CSMD1: variants seen among roughly 807,000 people sequenced by gnomAD.
The protein encoded by CSMD1 is CUB and Sushi multiple domains 1, also known as CUB and sushi domain-containing protein 1.
A neutral mutation model predicts 417.5 loss-of-function variants in CSMD1; 213 were observed. That is an observed-to-expected ratio of 0.51 (90% CI 0.46 to 0.57). The LOEUF (loss-of-function observed/expected upper bound fraction) is 0.57. CSMD1 is among the 20% of genes least tolerant of loss of function. CSMD1 has a pLI of 0.00. For missense variants in CSMD1, 6,923 were observed against 4,529.7 expected, an observed-to-expected ratio of 1.53 and a Z score of -15.17; for synonymous variants, 2,862 against 1,736.8, an observed-to-expected ratio of 1.65 and a Z score of -16.11.
At chr8:4,905,774 T>G (rs61138287) in intron 1 of CSMD1, among the ~76,000 whole-genome samples, 112 of 143,438 alleles carry the variant, frequency 7.8e-4, no homozygotes, top group Admixed American at 1.2e-3. Context: ...GAGCCGAGAT[T>G]GTGCCACTGC....
At chr8:3,983,297 AT>A (rs752570549) in intron 5 of CSMD1, among the ~76,000 whole-genome samples, 5 of 151,546 alleles carry the variant, frequency 3.3e-5, no homozygotes, top group Non-Finnish European at 5.9e-5. Context: ...CGCCCGGCTA[AT>A]TTTTTGTATT....
intron 27 of CSMD1, among the ~76,000 whole-genome samples, chr8:3,226,441 G>C: frequency 6.6e-6 from 1 of 151,892 alleles, no homozygotes; most frequent in East Asian, 1.9e-4. Context: ...AAAATAGCCG[G>C]GCGTGGTGGC....
At chr8:3,030,322 C>T (rs1353353715) in intron 50 of CSMD1, among the ~76,000 whole-genome samples, 1 of 151,826 alleles carries the variant, frequency 6.6e-6, no homozygotes, top group Non-Finnish European at 1.5e-5. Flanking sequence ...AAACCAGAAC[C>T]ATTTCTCTAA....
In CSMD1 at chr8:3,530,486, C is replaced by T. The variant is rs138895236; in HGVS notation, c.1345-36760G>A. Among the ~76,000 whole-genome samples, 948 of 152,236 alleles carry T rather than the reference C, an allele frequency of 6.2e-3. 6 individuals are homozygous for T. The highest frequency in any genetic ancestry group is 9.5e-3 in the Non-Finnish European group (649 of 67,998). On this transcript the variant is annotated intron_variant, in intron 10 of 69. Coordinates refer to ENST00000635120, the MANE Select transcript of CSMD1 (RefSeq NM_033225.6). The stretch of plus-strand genomic sequence containing the variant: ...TCCTAGCTTTCCTTCTGCTATTAAA[C>T]TAATAAAAGCAAAATGTACAGTGAA...
At chr8:3,360,810 C>G (rs568944043) in intron 20 of CSMD1, among the ~76,000 whole-genome samples, 1 of 152,044 alleles carries the variant, frequency 6.6e-6, no homozygotes, top group South Asian at 2.1e-4. Context: ...CATATAAAAT[C>G]CAACTGATCC....
chr8:4,134,362 T>A (rs988909724), intron 3 of CSMD1, among the ~76,000 whole-genome samples: 4 of 152,156 alleles, frequency 2.6e-5, no homozygotes, highest in African/African-American at 9.7e-5. Context: ...CGATTTTTAT[T>A]CTTATATGAA....
chr8:4,993,144 T>A (rs531599474), intron 1 of CSMD1, among the ~76,000 whole-genome samples: 1 of 151,606 alleles, frequency 6.6e-6, no homozygotes, highest in African/African-American at 2.4e-5. Context: ...GAAAAGAAGA[T>A]GGAAGAATCT....
intron 1 of CSMD1, among the ~76,000 whole-genome samples, chr8:4,876,279 G>A (rs1362661620): frequency 6.6e-6 from 1 of 152,138 alleles, no homozygotes; most frequent in East Asian, 1.9e-4. Context: ...TTCATATGCT[G>A]CAATCATTGC....
intron 3 of CSMD1, among the ~76,000 whole-genome samples, chr8:4,393,820 T>A (rs1233932312): frequency 6.6e-6 from 1 of 152,194 alleles, no homozygotes; most frequent in African/African-American, 2.4e-5. Context: ...TTTTCCTATG[T>A]TTCTGTATCT....
At chr8:4,794,860 G>C (rs1797888245) in intron 1 of CSMD1, among the ~76,000 whole-genome samples, 1 of 152,168 alleles carries the variant, frequency 6.6e-6, no homozygotes, top group Non-Finnish European at 1.5e-5. Context: ...AAGAACTGGA[G>C]TCAGGTGATG....
chr8:4,365,656 C>T (rs900677442), intron 3 of CSMD1, among the ~76,000 whole-genome samples: 1 of 152,154 alleles, frequency 6.6e-6, no homozygotes, highest in Non-Finnish European at 1.5e-5. Context: ...ACAGTTGCTT[C>T]CTGTGGTTAA....
At chr8:3,856,583 T>C (rs138008926) in intron 5 of CSMD1, among the ~76,000 whole-genome samples, 252 of 152,294 alleles carry the variant, frequency 1.7e-3, no homozygotes, top group African/African-American at 5.8e-3. Flanking sequence ...TGGCAGACTG[T>C]ATTCTAATTT....
chr8:4,330,273 C>G (rs1047636949), intron 3 of CSMD1, among the ~76,000 whole-genome samples: 2 of 152,074 alleles, frequency 1.3e-5, no homozygotes, highest in Non-Finnish European at 2.9e-5. Flanking sequence ...TGGTTGTACT[C>G]TTCTACAAAG....
chr8:4,117,342 T>C (rs1013297964), intron 3 of CSMD1, among the ~76,000 whole-genome samples: 1 of 150,902 alleles, frequency 6.6e-6, no homozygotes, highest in Non-Finnish European at 1.5e-5. Context: ...GTACCAACAC[T>C]GTCATCGCCT....
intron 5 of CSMD1, among the ~76,000 whole-genome samples, chr8:3,767,761 T>TAACA (rs1798360311): frequency 1.3e-5 from 2 of 152,176 alleles, no homozygotes; most frequent in African/African-American, 4.8e-5. Flanking sequence ...AAAACATTAA[T>TAACA]GACACTCAGA....
At chr8:3,500,152 A>G (rs1255996221) in intron 10 of CSMD1, among the ~76,000 whole-genome samples, 2 of 152,124 alleles carry the variant, frequency 1.3e-5, no homozygotes. Flanking sequence ...TTATGCTGCC[A>G]TCTTGAGTTT....
chr8:4,900,208 G>C (rs1804775411), intron 1 of CSMD1, among the ~76,000 whole-genome samples: 1 of 152,078 alleles, frequency 6.6e-6, no homozygotes, highest in Admixed American at 6.5e-5. Context: ...GAAGACACGG[G>C]TTGGGTGCCT....
intron 21 of CSMD1, among the ~76,000 whole-genome samples, chr8:3,355,265 C>T (rs915151078): frequency 6.6e-6 from 1 of 151,830 alleles, no homozygotes; most frequent in African/African-American, 2.4e-5. Context: ...CCCTTTAACA[C>T]CCTGAGAAAA....
intron 3 of CSMD1, among the ~76,000 whole-genome samples, chr8:4,406,808 C>G (rs1168964363): frequency 6.6e-6 from 1 of 152,138 alleles, no homozygotes; most frequent in East Asian, 1.9e-4. Flanking sequence ...ATGAAGGTGA[C>G]TAACAAAGTT....
Sources: allele counts gnomAD v4.1 joint callset (sites outside exome capture counted in the v4.1 genomes callset), GRCh38; gene constraint gnomAD v4.1.1; transcripts MANE v1.5; gene names NCBI Gene and HGNC (gene_info 2026-07-23, HGNC 2026-07-21).